Variants in MSN observed in about 807,000 individuals in gnomAD.
MSN encodes the protein moesin.
Under a neutral mutation model 48.0 loss-of-function variants are expected in MSN, and 2 were observed. The observed-to-expected ratio is 0.04, with a 90% confidence interval of 0.02 to 0.13. The LOEUF (loss-of-function observed/expected upper bound fraction) is 0.13. Among genes scored for constraint, MSN ranks in the 10% least tolerant of loss-of-function variants. MSN has a pLI of 1.00. For synonymous variants in MSN, 146 were observed against 166.9 expected, an observed-to-expected ratio of 0.87 and a Z score of 0.97; for missense variants, 267 against 470.1, an observed-to-expected ratio of 0.57 and a Z score of 3.99.
At chrX:65,610,611 G>T (rs1482600873) in intron 1 of MSN, among the ~76,000 whole-genome samples, 1 of 111,800 alleles carries the variant, frequency 8.9e-6, no homozygotes, top group African/African-American at 3.3e-5. Flanking sequence ...ATTCTTTTGG[G>T]TGTATACCAA....
chrX:65,635,095 CTCT>C (rs1033270391), intron 1 of MSN, among the ~76,000 whole-genome samples: 7 of 112,143 alleles, frequency 6.2e-5, no homozygotes, highest in African/African-American at 2.3e-4. Context: ...TTTCCCATAT[CTCT>C]TTTTTTTCTT....
chrX:65,674,289 G>A (rs781714299), intron 1 of MSN, among the ~76,000 whole-genome samples: 8 of 111,201 alleles, frequency 7.2e-5, no homozygotes, highest in Admixed American at 1.9e-4. Context: ...CAGCTTGTTC[G>A]AGGTCACATA....
intron 2 of MSN, among the ~76,000 whole-genome samples, chrX:65,718,055 G>A (rs1402629749): frequency 9.0e-6 from 1 of 111,274 alleles, no homozygotes; most frequent in African/African-American, 3.3e-5. Flanking sequence ...CATAGAGTGG[G>A]AAAATTATTG....
chrX:65,735,592 A>AG (rs1198985431), intron 8 of MSN, among the ~76,000 whole-genome samples, 162 bp downstream of exon 8: 5 of 112,246 alleles, frequency 4.5e-5, no homozygotes, highest in African/African-American at 1.6e-4. Context: ...ACCAAGTTTG[A>AG]GGGGCAGTTT....
At chrX:65,617,063 G>C (rs1188585262) in intron 1 of MSN, among the ~76,000 whole-genome samples, 1 of 107,784 alleles carries the variant, frequency 9.3e-6, no homozygotes, top group Non-Finnish European at 1.9e-5. Context: ...AAGCCCACTT[G>C]ATCATGGTGG....
intron 4 of MSN, among the ~76,000 whole-genome samples, chrX:65,730,318 A>T (rs1219971763): frequency 8.9e-6 from 1 of 112,186 alleles, no homozygotes; most frequent in Non-Finnish European, 1.9e-5. Flanking sequence ...GGTGCAGCTC[A>T]TCTGAGGCAG....
chrX:65,684,159 C>G (rs1293738995), intron 1 of MSN, among the ~76,000 whole-genome samples: 1 of 111,015 alleles, frequency 9.0e-6, no homozygotes, highest in Non-Finnish European at 1.9e-5. Context: ...CCAGCCTGGT[C>G]TTGAACTCCT....
rs867298319 is a variant in MSN at position 65,695,083 on chromosome X, T to A, written c.13-21735T>A. ...TTCTTTGTGTGTGTGTGTGTCTGCG[T>A]GTGTGTGTGTGTGTGTGTGTGTGTG... On this transcript the variant is annotated intron_variant, in intron 1 of 12. Transcript: ENST00000360270. 3.1e-5 allele frequency among the ~76,000 whole-genome samples: 3 copies of A among 97,909 alleles called. No homozygotes were observed. The East Asian group carries it at 8.9e-4, about 29-fold the overall frequency. 85.0% of individuals were successfully genotyped at this position (97,909 alleles called of 115,157 possible). A position where few individuals can be genotyped will look rare whatever the true frequency, so the allele number is the denominator to read the frequency against.
chrX:65,642,806 C>T (rs1254255584), intron 1 of MSN, among the ~76,000 whole-genome samples: 1 of 110,616 alleles, frequency 9.0e-6, no homozygotes, highest in Non-Finnish European at 1.9e-5. Flanking sequence ...TTGAGAGGCT[C>T]AGACTTGACA....
chrX:65,695,681 T>C (rs2071229496), intron 1 of MSN, among the ~76,000 whole-genome samples: 1 of 110,613 alleles, frequency 9.0e-6, no homozygotes, highest in East Asian at 2.8e-4. Context: ...TTCTTATCTT[T>C]ATTTTATACA....
At chrX:65,629,918 C>T in intron 1 of MSN, among the ~76,000 whole-genome samples, 1 of 111,856 alleles carries the variant, frequency 8.9e-6, no homozygotes, top group African/African-American at 3.2e-5. Context: ...GTGGCTCACA[C>T]CTGTAATCCT....
chrX:65,705,729 ACT>A (rs1340557379), intron 1 of MSN, among the ~76,000 whole-genome samples: 2 of 111,521 alleles, frequency 1.8e-5, no homozygotes, highest in Non-Finnish European at 3.8e-5. Flanking sequence ...TGGAGGAGTA[ACT>A]CTCAGTTTCC....
chrX:65,674,031 A>T (rs913900487), intron 1 of MSN, among the ~76,000 whole-genome samples: 3 of 109,659 alleles, frequency 2.7e-5, no homozygotes, highest in South Asian at 8.0e-4. Context: ...TGTAGAGCTG[A>T]TCTCATGGGT....
chrX:65,684,696 C>T (rs1300194576), intron 1 of MSN, among the ~76,000 whole-genome samples: 5 of 111,845 alleles, frequency 4.5e-5, no homozygotes, highest in African/African-American at 1.6e-4. Context: ...CCTCGGCCTC[C>T]CAAAGTGCTG....
In MSN at chrX:65,648,508, G is replaced by T. The variant is rs184526897; in HGVS notation, c.-22+59896G>T. ...GCAGAGGTTGCAGTGAGCCAAGATC[G>T]TGCCACTGCACTCCAGCCTGGGCAA... On this transcript the variant is annotated intron_variant, in intron 1 of 3. Coordinates refer to the MSN transcript ENST00000609672. Among the ~76,000 whole-genome samples the T allele has an allele frequency of 6.5e-3, 695 of 106,984 alleles. 9 individuals are homozygous for T. The highest frequency in any genetic ancestry group is 0.023 in the African/African-American group (668 of 29,016). 92.9% of individuals were successfully genotyped at this position (106,984 alleles called of 115,157 possible). A position where few individuals can be genotyped will look rare whatever the true frequency, so the allele number is the denominator to read the frequency against.
chrX:65,706,219 C>T lies in MSN; in HGVS notation c.13-10599C>T, dbSNP rs2071360214. The stretch of plus-strand genomic sequence containing the variant: ...AAAACAGACCAGGACCTGCCCTGCC[C>T]TGCCTTGGCCCCACTCTTAGTAGCA... On this transcript the variant is annotated intron_variant, in intron 1 of 12. Transcript: ENST00000360270. Among the ~76,000 whole-genome samples the T allele has an allele frequency of 2.7e-5, 3 of 111,895 alleles. No individual in the cohort carries two copies. The South Asian group carries it at 1.1e-3, about 42-fold the overall frequency.
At chrX:65,612,998 G>A (rs1357655624) in intron 1 of MSN, among the ~76,000 whole-genome samples, 1 of 110,975 alleles carries the variant, frequency 9.0e-6, no homozygotes, top group African/African-American at 3.3e-5. Context: ...CGCCATCTAC[G>A]TTAGGTATTT....
chrX:65,634,603 A>G (rs1272758662), intron 1 of MSN, among the ~76,000 whole-genome samples: 1 of 111,246 alleles, frequency 9.0e-6, no homozygotes, highest in Non-Finnish European at 1.9e-5. Flanking sequence ...ACAGAGCCAG[A>G]CTCGGTCTCA....
chrX:65,641,549 AGTATATATATATATATATATAT>A (rs2070650775), intron 1 of MSN, among the ~76,000 whole-genome samples: 4 of 32,570 alleles, frequency 1.2e-4, no homozygotes, highest in African/African-American at 4.3e-4. Context: ...AAAAAAGTGA[AGTATATATATATATATATATAT>A]ATATATATAT....
Sources: gnomAD v4.1 joint callset for allele counts (sites outside exome capture counted in the v4.1 genomes callset) on GRCh38, gnomAD v4.1.1 for gene constraint, MANE v1.5 for transcripts, NCBI Gene and HGNC (gene_info 2026-07-23, HGNC 2026-07-21) for gene names.